BLMH: variants seen among roughly 807,000 people sequenced by gnomAD.
The protein encoded by BLMH is bleomycin hydrolase, also known as BLM hydrolase.
Under a neutral mutation model 61.6 loss-of-function variants are expected in BLMH, and 32 were observed. That is an observed-to-expected ratio of 0.52 (90% CI 0.39 to 0.70). BLMH has a LOEUF of 0.70. BLMH is among the 30% of genes least tolerant of loss of function. The pLI is 0.00. For missense variants in BLMH, 460 were observed against 555.5 expected (o/e 0.83, Z 1.73); for synonymous variants, 183 against 193.8 (o/e 0.94, Z 0.46).
rs759656087 is a variant in BLMH, at chr17:30,272,678, A to G, written c.961-50T>C. ...AAGTCAACATAAACCCCATCTTCCT[A>G]TTATACCAAAGAAGTAAAAGATGTT... is the stretch of plus-strand genomic sequence containing the variant. On this transcript the variant is annotated intron_variant, in intron 8 of 11. Transcript: ENST00000261714. 8.7e-6 allele frequency: 14 copies of G among 1,613,770 alleles called. No individual in the cohort carries two copies. In the Admixed American group the frequency reaches 1.7e-4, roughly 19 times the overall value.
Position 30,258,973 on chromosome 17 carries a change from GCCTC to G in BLMH, c.1216+7908_1216+7911del, listed in dbSNP as rs528364576. On this transcript the variant is annotated intron_variant, in intron 11 of 11. Transcript: ENST00000261714. ...TTCTCAGCCACCATTTCTCTGGCTG[GCCTC>G]CCTCTCCCTTTTCAGAAAAAAAGCC... 4.1e-3 allele frequency among the ~76,000 whole-genome samples: 621 copies of G among 152,060 alleles called. 6 individuals are homozygous for G. Among genetic ancestry groups the G allele is most frequent in the African/African-American group, 0.014 (596 of 41,484 alleles).
chr17:30,273,084 C>T (rs1908320208), intron 7 of BLMH, 185 bp from the exon 8 acceptor site: 3 of 610,810 alleles, frequency 4.9e-6, no homozygotes, highest in South Asian at 4.7e-5. Flanking sequence ...GAGGTCCTTG[C>T]TTATTCTAAT....
At chr17:30,268,097 A>C (rs538537703) in intron 10 of BLMH, among the ~76,000 whole-genome samples, 2 of 152,360 alleles carry the variant, frequency 1.3e-5, no homozygotes, top group South Asian at 4.1e-4. Context: ...TACATTCTGC[A>C]GCTGGCATAT....
chr17:30,264,870 A>T (rs1362776409), intron 11 of BLMH, among the ~76,000 whole-genome samples: 1 of 152,236 alleles, frequency 6.6e-6, no homozygotes, highest in Non-Finnish European at 1.5e-5. Context: ...TCCATCTCTT[A>T]ACTATCACCA....
intron 11 of BLMH, among the ~76,000 whole-genome samples, chr17:30,255,285 A>G (rs1907782936): frequency 6.6e-6 from 1 of 152,250 alleles, no homozygotes; most frequent in African/African-American, 2.4e-5. Context: ...CAGTACAGTA[A>G]CATGCTGTAC....
intron 11 of BLMH, among the ~76,000 whole-genome samples, chr17:30,258,341 T>C (rs1907870756): frequency 6.6e-6 from 1 of 152,162 alleles, no homozygotes; most frequent in Admixed American, 6.5e-5. Context: ...GAAGTCTGGC[T>C]ATGTGGTGAG....
intron 6 of BLMH, among the ~76,000 whole-genome samples, chr17:30,281,092 G>GTT (rs11316556): frequency 7.7e-5 from 10 of 129,478 alleles, no homozygotes; most frequent in South Asian, 2.4e-4. Context: ...TTTCTTTGTT[G>GTT]TTTTTTTTTT....
chr17:30,276,121 T>A (rs1908417954), intron 6 of BLMH, among the ~76,000 whole-genome samples: 2 of 151,522 alleles, frequency 1.3e-5, no homozygotes, highest in Admixed American at 1.3e-4. Context: ...CAATCTAAAC[T>A]GAGGTCACAT....
chr17:30,287,890 G>T lies in BLMH; in HGVS notation c.379C>A (p.Pro127Thr). The change falls in exon 4 of 12, where the codon CCT (proline) becomes ACT (threonine). Residue 127 changes from proline (P) to threonine (T), a missense_variant. Around this residue, in one of 5 missense-constraint regions of BLMH, gnomAD observed 14 missense variants for 38.5 expected, o/e 0.36. Coordinates refer to ENST00000261714, the MANE Select transcript of BLMH (RefSeq NM_000386.4). ...AACTGCACCAGCCTCCCATCCTCAG[G>T]CTCCTTTCTCTGGGCTGTGTCCACA... Reference protein sequence around the residue: ...AFVDTAQRKEPEDGRLVQFLL... With the variant: ...AFVDTAQRKETEDGRLVQFLL... 1 of 1,613,972 alleles carries T rather than the reference G, an allele frequency of 6.2e-7. No homozygotes were observed. Among genetic ancestry groups the T allele is most frequent in the Non-Finnish European group, 8.5e-7 (1 of 1,179,934 alleles).
In BLMH at chr17:30,256,085, C is replaced by T. The variant is rs191722869; in HGVS notation, c.1217-6917G>A. On this transcript the variant is annotated intron_variant, in intron 11 of 11. Coordinates refer to ENST00000261714, the MANE Select transcript of BLMH (RefSeq NM_000386.4). Reference sequence around the variant, plus strand: ...TAATTTTTGTTGAGATGGGGTCTTACGATGTTGCCCAGGCTGGTCTTGAGC... The same window carrying T: ...TAATTTTTGTTGAGATGGGGTCTTATGATGTTGCCCAGGCTGGTCTTGAGC... 5.9e-5 allele frequency among the ~76,000 whole-genome samples: 9 copies of T among 152,262 alleles called. No homozygotes were observed. In the East Asian group the frequency reaches 1.5e-3, roughly 26 times the overall value.
chr17:30,253,596 G>A (rs910646637), intron 11 of BLMH, among the ~76,000 whole-genome samples: 1 of 152,132 alleles, frequency 6.6e-6, no homozygotes, highest in Non-Finnish European at 1.5e-5. Flanking sequence ...GGCAGGATTC[G>A]GCTGGCCCTT....
intron 11 of BLMH, among the ~76,000 whole-genome samples, chr17:30,261,156 C>G (rs1784059411): frequency 6.6e-6 from 1 of 152,170 alleles, no homozygotes; most frequent in Admixed American, 6.5e-5. Context: ...CTGCAAATAA[C>G]TGATTGTCTT....
intron 11 of BLMH, among the ~76,000 whole-genome samples, chr17:30,253,578 C>T (rs1907729221): frequency 6.6e-6 from 1 of 152,166 alleles, no homozygotes; most frequent in Non-Finnish European, 1.5e-5. Flanking sequence ...CAGCAAAGCA[C>T]CGGCTCAGGC....
At chr17:30,281,981 G>A (rs576029897) in intron 6 of BLMH, among the ~76,000 whole-genome samples, 1 of 152,290 alleles carries the variant, frequency 6.6e-6, no homozygotes, top group East Asian at 1.9e-4. Context: ...CACTGCTATA[G>A]AATTTCCTAA....
At chr17:30,253,942 G>A (rs1552473) in intron 11 of BLMH, among the ~76,000 whole-genome samples, 196 of 152,184 alleles carry the variant, frequency 1.3e-3, no homozygotes, top group African/African-American at 4.6e-3. Flanking sequence ...GTCTGTAAAG[G>A]GAAAAACAGT....
chr17:30,260,126 A>G (rs1270592779), intron 11 of BLMH, among the ~76,000 whole-genome samples: 1 of 152,160 alleles, frequency 6.6e-6, no homozygotes, highest in Admixed American at 6.5e-5. Context: ...TCCAATTATT[A>G]TCCCTATTTT....
Position 30,249,009 on chromosome 17 carries a change from G to T in BLMH, c.*8C>A, listed in dbSNP as rs1328731439. On this transcript the variant is annotated 3_prime_UTR_variant, in exon 12 of 12. Coordinates refer to ENST00000261714, the MANE Select transcript of BLMH (RefSeq NM_000386.4). ...TCCATGGAAGGAGGAAAGAGCTGGAGGGCAGTATCACTCAGCCAAAGCTCC... is the reference window on the plus strand; with the variant it reads ...TCCATGGAAGGAGGAAAGAGCTGGATGGCAGTATCACTCAGCCAAAGCTCC... 6.2e-7 allele frequency: 1 copy of T among 1,613,644 alleles called. No homozygotes were observed.
At chr17:30,268,769 G>A (rs1341243333) in intron 10 of BLMH, among the ~76,000 whole-genome samples, 1 of 151,494 alleles carries the variant, frequency 6.6e-6, no homozygotes, top group African/African-American at 2.4e-5. Flanking sequence ...GGGCACAGTG[G>A]CTCATGCCTG....
rs891036488 is a variant in BLMH at position 30,288,113 on chromosome 17, C to T, written c.322-166G>A. 21 of 669,344 alleles carry T rather than the reference C, an allele frequency of 3.1e-5. No homozygotes were observed. The African/African-American group carries it at 3.3e-4, about 11-fold the overall frequency. 41.5% of individuals were successfully genotyped at this position (669,344 alleles called of 1,614,324 possible). On this transcript the variant is annotated intron_variant, in intron 3 of 11. Coordinates refer to ENST00000261714, the MANE Select transcript of BLMH (RefSeq NM_000386.4). ...CATGAATTTGCATGTCATCCTTGTA[C>T]AGAGGCCATGCTAATCTTTTCTGTA...
Sources: allele counts gnomAD v4.1 joint callset (sites outside exome capture counted in the v4.1 genomes callset), GRCh38; gene constraint gnomAD v4.1.1; regional missense constraint gnomAD v4.1.1; transcripts MANE v1.5; gene names NCBI Gene and HGNC (gene_info 2026-07-23, HGNC 2026-07-21).